The following TMEM117 variants were observed in gnomAD, a reference collection of about 807,000 sequenced individuals.
TMEM117 encodes the protein transmembrane protein 117.
Under a neutral mutation model 52.4 loss-of-function variants are expected in TMEM117, and 27 were observed. That is an observed-to-expected ratio of 0.51 (90% CI 0.38 to 0.71). TMEM117 has a LOEUF of 0.71. Among genes scored for constraint, TMEM117 ranks in the 30% least tolerant of loss-of-function variants. The pLI is 0.00. For synonymous variants in TMEM117, 215 were observed against 206.3 expected, an observed-to-expected ratio of 1.04 and a Z score of -0.36; for missense variants, 556 against 630.5, an observed-to-expected ratio of 0.88 and a Z score of 1.26.
intron 3 of TMEM117, among the ~76,000 whole-genome samples, chr12:43,969,511 G>A (rs1945545666): frequency 6.6e-6 from 1 of 150,622 alleles, no homozygotes; most frequent in Non-Finnish European, 1.5e-5. Flanking sequence ...AACAGAGTGA[G>A]ACTCTGTATC....
intron 3 of TMEM117, among the ~76,000 whole-genome samples, chr12:44,061,499 C>T (rs1474950329): frequency 2.0e-5 from 3 of 151,606 alleles, no homozygotes; most frequent in Non-Finnish European, 4.4e-5. Context: ...GACTAGGGAT[C>T]AAGGAGAGAG....
At chr12:43,982,185 G>A (rs1040792641) in intron 3 of TMEM117, among the ~76,000 whole-genome samples, 1 of 152,096 alleles carries the variant, frequency 6.6e-6, no homozygotes, top group African/African-American at 2.4e-5. Context: ...TGTATAAATA[G>A]GAATGTGAGT....
intron 6 of TMEM117, among the ~76,000 whole-genome samples, chr12:44,364,683 T>C (rs1031337350): frequency 1.3e-5 from 2 of 152,134 alleles, no homozygotes; most frequent in Non-Finnish European, 2.9e-5. Context: ...ACTCCATTGA[T>C]ATACAAACAA....
At chr12:44,044,016 G>C (rs183844587) in intron 3 of TMEM117, among the ~76,000 whole-genome samples, 1 of 152,324 alleles carries the variant, frequency 6.6e-6, no homozygotes, top group Non-Finnish European at 1.5e-5. Flanking sequence ...GGAAATGCCT[G>C]CCCTCCCTTG....
At chr12:44,122,962 T>C (rs1370498589) in intron 3 of TMEM117, among the ~76,000 whole-genome samples, 1 of 152,324 alleles carries the variant, frequency 6.6e-6, no homozygotes, top group East Asian at 1.9e-4. Context: ...TATTTCTGCC[T>C]CTAGGTCTTT....
intron 3 of TMEM117, among the ~76,000 whole-genome samples, chr12:43,988,346 A>G (rs1349509514): frequency 6.6e-6 from 1 of 152,128 alleles, no homozygotes; most frequent in Non-Finnish European, 1.5e-5. Context: ...CACTCACAGA[A>G]GTAGAAGTGT....
At chr12:43,881,854 G>A (rs1427575109) in intron 2 of TMEM117, among the ~76,000 whole-genome samples, 2 of 148,648 alleles carry the variant, frequency 1.3e-5, no homozygotes, top group Non-Finnish European at 3.0e-5. Context: ...CAGCACTTTG[G>A]GAGGGCGAGG....
At chr12:44,344,914 G>A (rs1951464841) in intron 6 of TMEM117, among the ~76,000 whole-genome samples, 1 of 152,038 alleles carries the variant, frequency 6.6e-6, no homozygotes, top group Non-Finnish European at 1.5e-5. Context: ...TGGGACATCT[G>A]ATTGTTTGCA....
In TMEM117 at chr12:44,388,534, C is replaced by CAGG. The variant is rs767241938; in HGVS notation, c.1408_1410dup (p.Arg470dup). 2.5e-6 allele frequency: 4 copies of CAGG among 1,613,598 alleles called. No individual in the cohort carries two copies. Among genetic ancestry groups the CAGG allele is most frequent in the Non-Finnish European group, 3.4e-6 (4 of 1,179,652 alleles). On this transcript the variant is annotated inframe_insertion, in exon 8 of 8. Transcript: ENST00000266534. The stretch of plus-strand genomic sequence containing the variant: ...TGAATGACCCTTCTTTGGTTTGCAT[C>CAGG]AGGTCTGACTTCAATGAGATCGTCT...
At chr12:43,815,484 A>G in the TMEM117 span, among the ~76,000 whole-genome samples, 1 of 152,236 alleles carries the variant, frequency 6.6e-6, no homozygotes, top group Non-Finnish European at 1.5e-5. Context: ...TGCTGAAGAC[A>G]CAGGAGAGGT....
chr12:44,043,321 G>A (rs150556538), intron 3 of TMEM117, among the ~76,000 whole-genome samples: 31 of 152,292 alleles, frequency 2.0e-4, no homozygotes, highest in African/African-American at 6.5e-4. Context: ...CATGTGAGTG[G>A]CTGACCTGCA....
In TMEM117 at chr12:44,284,174, A is replaced by G. The variant is rs922374361; in HGVS notation, c.609-15406A>G. 3.9e-5 allele frequency among the ~76,000 whole-genome samples: 6 copies of G among 152,108 alleles called. No homozygotes were observed. In the South Asian group the frequency reaches 6.2e-4, roughly 16 times the overall value. On this transcript the variant is annotated intron_variant, in intron 5 of 7. Transcript: ENST00000266534. ...CTGAAAATACAAAAATTAGCTGGGC[A>G]TGGTGGCGCAGCCTGTAGTCCCAGC...
At chr12:43,800,294 A>AT in the TMEM117 span, 1 of 596,286 alleles carries the variant, frequency 1.7e-6, no homozygotes, top group South Asian at 2.4e-5. Flanking sequence ...GCTAACTTTA[A>AT]TATTATATGA....
chr12:44,133,523 C>T lies in TMEM117; in HGVS notation c.411-10002C>T, dbSNP rs888007070. On this transcript the variant is annotated intron_variant, in intron 3 of 7. Coordinates refer to ENST00000266534, the MANE Select transcript of TMEM117 (RefSeq NM_032256.3). ...TCCTTTTTCTTTTTGCTTTTTTGAC[C>T]GTGGTCTGATAGCTGGTGTGGTGCA... Among the ~76,000 whole-genome samples the T allele has an allele frequency of 7.3e-5, 11 of 151,600 alleles. No homozygotes were observed. The East Asian group carries it at 7.7e-4, about 11-fold the overall frequency.
intron 6 of TMEM117, among the ~76,000 whole-genome samples, chr12:44,330,909 A>T (rs1313383561): frequency 6.6e-6 from 1 of 152,112 alleles, no homozygotes; most frequent in Non-Finnish European, 1.5e-5. Context: ...ATATTACTAT[A>T]AGGTAATGGC....
chr12:44,348,807 G>T (rs1442700053), intron 6 of TMEM117, among the ~76,000 whole-genome samples: 2 of 151,914 alleles, frequency 1.3e-5, no homozygotes, highest in Non-Finnish European at 2.9e-5. Flanking sequence ...GTGTGAGGGT[G>T]AAGAGTTGGG....
At chr12:44,147,195 T>C (rs989841959) in intron 4 of TMEM117, among the ~76,000 whole-genome samples, 51 of 152,186 alleles carry the variant, frequency 3.4e-4, no homozygotes, top group African/African-American at 1.1e-3. Flanking sequence ...GTCTTTGCTA[T>C]GGGCAGGATC....
At chr12:43,831,199 T>C (rs1942978975), upstream of TMEM117, among the ~76,000 whole-genome samples, 1 of 152,208 alleles carries the variant, frequency 6.6e-6, no homozygotes, top group African/African-American at 2.4e-5. Context: ...ATAAGGAAAT[T>C]ATGCTGTTTA....
intron 2 of TMEM117, among the ~76,000 whole-genome samples, chr12:43,928,897 A>C (rs1019053464): frequency 4.0e-5 from 6 of 151,716 alleles, no homozygotes; most frequent in African/African-American, 1.5e-4. Flanking sequence ...TTCCAATTTC[A>C]TCCATGTCCC....
Sources: allele counts gnomAD v4.1 joint callset (sites outside exome capture counted in the v4.1 genomes callset), GRCh38; gene constraint gnomAD v4.1.1; transcripts MANE v1.5; gene names NCBI Gene and HGNC (gene_info 2026-07-23, HGNC 2026-07-21).